The following NXPH1 variants were observed in gnomAD, a reference collection of about 807,000 sequenced individuals.
The protein encoded by NXPH1 is neurexophilin 1, also known as neurexophilin-1.
NXPH1 carries 5 observed loss-of-function variants against 23.7 expected under a neutral mutation model. The ratio of observed to expected loss-of-function variants is 0.21; its 90% CI spans 0.11 to 0.44. The LOEUF is 0.44. NXPH1 is among the 20% of genes least tolerant of loss of function. The pLI is 0.99. For missense variants in NXPH1, 324 were observed against 321.6 expected, an observed-to-expected ratio of 1.01 and a Z score of -0.06; for synonymous variants, 144 against 122.2, an observed-to-expected ratio of 1.18 and a Z score of -1.18.
intron 2 of NXPH1, among the ~76,000 whole-genome samples, chr7:8,650,870 A>T (rs1379485932): frequency 6.6e-6 from 1 of 152,204 alleles, no homozygotes; most frequent in East Asian, 1.9e-4. Context: ...TCAATGGTAA[A>T]GTAAATGAAC....
At chr7:8,461,348 C>T (rs1035452070) in intron 2 of NXPH1, among the ~76,000 whole-genome samples, 6 of 152,078 alleles carry the variant, frequency 3.9e-5, no homozygotes, top group East Asian at 1.9e-4. Flanking sequence ...GAAAGAGTAA[C>T]TTCAGTTACT....
intron 2 of NXPH1, among the ~76,000 whole-genome samples, chr7:8,488,977 A>G: frequency 6.6e-6 from 1 of 152,072 alleles, no homozygotes; most frequent in East Asian, 1.9e-4. Flanking sequence ...ATGTCCCAAT[A>G]CTAATTGTGG....
At chr7:8,458,419 A>C (rs1343250002) in intron 2 of NXPH1, among the ~76,000 whole-genome samples, 1 of 152,228 alleles carries the variant, frequency 6.6e-6, no homozygotes, top group Admixed American at 6.5e-5. Flanking sequence ...ACCCTGATAC[A>C]GATTCTCTCA....
intron 2 of NXPH1, among the ~76,000 whole-genome samples, chr7:8,650,053 G>A (rs914063189): frequency 4.6e-5 from 7 of 151,998 alleles, no homozygotes; most frequent in African/African-American, 1.5e-4. Context: ...CAAGAACTCT[G>A]TTGCTGCTAT....
At chr7:8,674,735 A>G (rs1033204527) in intron 2 of NXPH1, among the ~76,000 whole-genome samples, 4 of 152,182 alleles carry the variant, frequency 2.6e-5, no homozygotes, top group African/African-American at 9.7e-5. Context: ...GTTCTTGACA[A>G]TTTTGGTAAA....
chr7:8,687,299 A>G (rs1343645873), intron 2 of NXPH1, among the ~76,000 whole-genome samples: 2 of 152,076 alleles, frequency 1.3e-5, no homozygotes, highest in Non-Finnish European at 2.9e-5. Flanking sequence ...AAAAAGGAGC[A>G]GGGGGACTCC....
At chr7:8,599,005 T>C (rs1000304884) in intron 2 of NXPH1, among the ~76,000 whole-genome samples, 4 of 152,172 alleles carry the variant, frequency 2.6e-5, no homozygotes, top group African/African-American at 9.6e-5. Flanking sequence ...GCTAAATTTA[T>C]TGGGAGAAGG....
intron 2 of NXPH1, among the ~76,000 whole-genome samples, chr7:8,446,805 A>G (rs1406310278): frequency 6.7e-6 from 1 of 150,368 alleles, no homozygotes; most frequent in African/African-American, 2.4e-5. Flanking sequence ...TTTTTTTCTT[A>G]CCTTCCTGGA....
At position 8,570,997 on chromosome 7, in the gene NXPH1, ATGTC is replaced by A. The variant is rs199809040; in HGVS notation, c.54+135236_54+135239del. 5.6e-3 allele frequency among the ~76,000 whole-genome samples: 850 copies of A among 150,550 alleles called. 6 individuals carry two copies. The highest frequency in any genetic ancestry group is 0.02 in the African/African-American group (805 of 41,040). On this transcript the variant is annotated intron_variant, in intron 2 of 2. Transcript: ENST00000405863. ...TGTTATCAACAGAATCAGTATATATATGTCTGTCTATCTGTCTGTCTATCTAATC... is the reference window on the plus strand; with the variant it reads ...TGTTATCAACAGAATCAGTATATATATGTCTATCTGTCTGTCTATCTAATC...
intron 2 of NXPH1, among the ~76,000 whole-genome samples, chr7:8,650,580 G>T (rs1820475059): frequency 6.6e-6 from 1 of 152,162 alleles, no homozygotes; most frequent in Non-Finnish European, 1.5e-5. Flanking sequence ...TGGTATTCTT[G>T]CAGCTTTCTC....
intron 2 of NXPH1, among the ~76,000 whole-genome samples, chr7:8,699,894 A>G (rs1048483530): frequency 6.6e-6 from 1 of 152,134 alleles, no homozygotes; most frequent in Non-Finnish European, 1.5e-5. Context: ...GGGAAGATCC[A>G]CTTACTATGT....
intron 2 of NXPH1, among the ~76,000 whole-genome samples, chr7:8,660,393 C>T (rs976824871): frequency 8.5e-5 from 13 of 152,054 alleles, no homozygotes; most frequent in African/African-American, 1.4e-4. Flanking sequence ...TACATAAACA[C>T]GGGTGAAAGT....
chr7:8,444,809 A>G (rs1009844703), intron 2 of NXPH1, among the ~76,000 whole-genome samples: 2 of 152,248 alleles, frequency 1.3e-5, no homozygotes, highest in African/African-American at 4.8e-5. Context: ...TTGCAGTAAA[A>G]TGATCGCATT....
intron 2 of NXPH1, among the ~76,000 whole-genome samples, chr7:8,682,852 G>A (rs1233683369): frequency 1.3e-5 from 2 of 152,218 alleles, no homozygotes; most frequent in Non-Finnish European, 2.9e-5. Context: ...ATTAGAATGT[G>A]ATGTTGAATA....
At chr7:8,592,651 T>A (rs1819123018) in intron 2 of NXPH1, among the ~76,000 whole-genome samples, 1 of 151,990 alleles carries the variant, frequency 6.6e-6, no homozygotes, top group African/African-American at 2.4e-5. Context: ...ATAGTAAATA[T>A]TTTAGGCTTT....
intron 2 of NXPH1, among the ~76,000 whole-genome samples, chr7:8,659,741 T>A (rs1171690123): frequency 6.6e-6 from 1 of 152,024 alleles, no homozygotes; most frequent in Non-Finnish European, 1.5e-5. Context: ...TAACAAAAAA[T>A]AATAATGAAA....
At chr7:8,489,734 A>G (rs17149726) in intron 2 of NXPH1, among the ~76,000 whole-genome samples, 6 of 152,048 alleles carry the variant, frequency 3.9e-5, no homozygotes, top group Admixed American at 3.3e-4. Context: ...ATTATGAATG[A>G]CATGTTGAAA....
intron 2 of NXPH1, among the ~76,000 whole-genome samples, chr7:8,657,727 T>C (rs1023539879): frequency 6.6e-6 from 1 of 152,208 alleles, no homozygotes; most frequent in Non-Finnish European, 1.5e-5. Flanking sequence ...TCAATTGGAA[T>C]ATTAAGAAAG....
rs1218643664 is a variant in NXPH1, at chr7:8,736,894, C to CT, written c.55-14108dup. On this transcript the variant is annotated intron_variant, in intron 2 of 2. Coordinates refer to ENST00000405863, the MANE Select transcript of NXPH1 (RefSeq NM_152745.3). ...ACCATTATGTCATGCCCTTCTTTGT[C>CT]TTTTTTGGTCTTTGTTGGTTTAAAG... 6.6e-5 allele frequency among the ~76,000 whole-genome samples: 10 copies of CT among 151,380 alleles called. No homozygotes were observed. The South Asian group carries it at 1.3e-3, about 19-fold the overall frequency.
Sources: gnomAD v4.1 joint callset for allele counts (sites outside exome capture counted in the v4.1 genomes callset) on GRCh38, gnomAD v4.1.1 for gene constraint, MANE v1.5 for transcripts, NCBI Gene and HGNC (gene_info 2026-07-23, HGNC 2026-07-21) for gene names.